PLPP3: variants seen among roughly 807,000 people sequenced by gnomAD.
The protein encoded by PLPP3 is phospholipid phosphatase 3, also known as PAP2 beta.
A neutral mutation model predicts 29.6 loss-of-function variants in PLPP3; 6 were observed. The observed-to-expected ratio is 0.20, with a 90% confidence interval of 0.11 to 0.40. The LOEUF is 0.40. PLPP3 is among the 10% of genes least tolerant of loss of function. The probability of loss-of-function intolerance (pLI) is 1.00; values close to 1 mark genes in which losing one functional copy is unlikely to be tolerated. For synonymous variants in PLPP3, 152 were observed against 159.7 expected, an observed-to-expected ratio of 0.95 and a Z score of 0.36; for missense variants, 308 against 407.7, an observed-to-expected ratio of 0.76 and a Z score of 2.11.
rs1388200179 is a variant in PLPP3, at chr1:56,524,178, T to G, written c.575+99A>C. The G allele has an allele frequency of 3.5e-6, 5 of 1,414,020 alleles. No homozygotes were observed. The highest frequency in any genetic ancestry group is 3.9e-6 in the Non-Finnish European group (4 of 1,028,646). 87.6% of individuals were successfully genotyped at this position (1,414,020 alleles called of 1,614,324 possible). On this transcript the variant is annotated intron_variant, in intron 3 of 5. Transcript: ENST00000371250. This position sits in a 1 kb window ranked among gnomAD's most constrained non-coding sequence, Gnocchi z 4.3. Reference sequence around the variant, plus strand: ...TTCCTCAAGAATAGGAACTATGCCTTATTCACCCATCTAAACCAGGGCCCA... The same window carrying G: ...TTCCTCAAGAATAGGAACTATGCCTGATTCACCCATCTAAACCAGGGCCCA...
At chr1:56,522,235 T>A (rs1230290880) in intron 4 of PLPP3, among the ~76,000 whole-genome samples, 1 of 152,190 alleles carries the variant, frequency 6.6e-6, no homozygotes, top group Non-Finnish European at 1.5e-5. Context: ...ATATGGTGCC[T>A]GGCACACAGA....
At chr1:56,525,442 G>A (rs1477353491) in intron 2 of PLPP3, among the ~76,000 whole-genome samples, 1 of 152,088 alleles carries the variant, frequency 6.6e-6, no homozygotes, top group African/African-American at 2.4e-5. Context: ...TATCACTACT[G>A]AAAATAATCC....
intron 1 of PLPP3, among the ~76,000 whole-genome samples, chr1:56,544,602 G>A (rs1645993143): frequency 6.6e-6 from 1 of 152,202 alleles, no homozygotes; most frequent in African/African-American, 2.4e-5. Flanking sequence ...AAAAGACCAA[G>A]GGTCAGAGAG....
At chr1:56,538,683 CAAA>C in intron 1 of PLPP3, 1 of 259,248 alleles carries the variant, frequency 3.9e-6, no homozygotes, top group Non-Finnish European at 7.5e-6. Flanking sequence ...CTGTTGTAAA[CAAA>C]AAAGTTAAGG....
chr1:56,507,147 A>G lies in PLPP3; in HGVS notation c.810+4829T>C, dbSNP rs990990383. Among the ~76,000 whole-genome samples the G allele has an allele frequency of 2.0e-5, 3 of 152,204 alleles. No homozygotes were observed. In the South Asian group the frequency reaches 6.2e-4, roughly 32 times the overall value. ...CCTGTTGTGACAGGATCTACCCTCA[A>G]CAGACCCAGGTAAAAGTTCTCGGCT... is the stretch of plus-strand genomic sequence containing the variant. On this transcript the variant is annotated intron_variant, in intron 5 of 5. Transcript: ENST00000371250.
chr1:56,562,405 A>G (rs1359095204), intron 1 of PLPP3, among the ~76,000 whole-genome samples: 1 of 152,230 alleles, frequency 6.6e-6, no homozygotes, highest in African/African-American at 2.4e-5. Flanking sequence ...CAACCTAGAA[A>G]TAAAATCTGT....
At chr1:56,570,164 T>C (rs942205637) in intron 1 of PLPP3, among the ~76,000 whole-genome samples, 17 of 152,164 alleles carry the variant, frequency 1.1e-4, no homozygotes, top group African/African-American at 4.1e-4. Context: ...GGTACAAACA[T>C]AGGCTTAATA....
At chr1:56,533,415 T>C (rs919178583) in intron 2 of PLPP3, among the ~76,000 whole-genome samples, 9 of 152,150 alleles carry the variant, frequency 5.9e-5, no homozygotes, top group African/African-American at 2.2e-4. Context: ...GGTTCACTAC[T>C]GTGTGGTGAA....
intron 1 of PLPP3, among the ~76,000 whole-genome samples, chr1:56,541,769 C>T (rs527344995): frequency 6.6e-6 from 1 of 152,138 alleles, no homozygotes; most frequent in African/African-American, 2.4e-5. Context: ...TGAAGCTCAG[C>T]AAATCTCATG....
chr1:56,507,055 A>AT (rs976818548), intron 5 of PLPP3, among the ~76,000 whole-genome samples: 12 of 152,174 alleles, frequency 7.9e-5, no homozygotes, highest in African/African-American at 2.7e-4. Flanking sequence ...AAAGCATTCA[A>AT]TTAGTAAGCA....
rs1278247332 is a variant in PLPP3, at chr1:56,524,531, C to A, written c.321G>T (p.Arg107=). 1 of 1,610,684 alleles carries A rather than the reference C, an allele frequency of 6.2e-7. No homozygotes were observed. ...ACCGCGACTTCTTCAGGTAATAGATCCGGTAGAATTCCCCCGTGATGATCT... is the reference window on the plus strand; with the variant it reads ...ACCGCGACTTCTTCAGGTAATAGATACGGTAGAATTCCCCCGTGATGATCT... ...ILAIITGEFY[R]IYYLKKSRST... The change falls in exon 3 of 6, where the codon CGG becomes CGT. Residue 107 remains arginine, a synonymous_variant. Transcript: ENST00000371250. This position sits in a 1 kb window ranked among gnomAD's most constrained non-coding sequence, Gnocchi z 4.3.
chr1:56,525,429 AT>A (rs1178787216), intron 2 of PLPP3, among the ~76,000 whole-genome samples: 1 of 152,106 alleles, frequency 6.6e-6, no homozygotes, highest in Non-Finnish European at 1.5e-5. Context: ...CTTAGAGGAG[AT>A]TTATCACTAC....
intron 1 of PLPP3, among the ~76,000 whole-genome samples, chr1:56,544,693 C>G (rs559944556): frequency 1.3e-5 from 2 of 152,346 alleles, no homozygotes; most frequent in East Asian, 3.9e-4. Flanking sequence ...CTCTAGAATT[C>G]ATTCAGAGAT....
At chr1:56,576,531 T>C (rs1026787510) in intron 1 of PLPP3, among the ~76,000 whole-genome samples, 27 of 152,206 alleles carry the variant, frequency 1.8e-4, no homozygotes, top group Admixed American at 1.7e-3. Flanking sequence ...ATTAGTGATA[T>C]TGTAATTGGC....
intron 1 of PLPP3, among the ~76,000 whole-genome samples, chr1:56,559,580 G>A (rs1367063454): frequency 7.0e-6 from 1 of 142,332 alleles, no homozygotes; most frequent in Non-Finnish European, 1.5e-5. Flanking sequence ...TTTACACTAA[G>A]AATATATTAC....
chr1:56,534,913 A>T (rs1312906278), intron 2 of PLPP3, among the ~76,000 whole-genome samples: 1 of 152,102 alleles, frequency 6.6e-6, no homozygotes, highest in East Asian at 1.9e-4. Flanking sequence ...GAATCAAGAG[A>T]CCTGGGTTCT....
intron 2 of PLPP3, among the ~76,000 whole-genome samples, chr1:56,527,014 A>G (rs997166913): frequency 1.3e-5 from 2 of 152,190 alleles, no homozygotes; most frequent in Non-Finnish European, 2.9e-5. Context: ...GAGAAAGAAC[A>G]TGTGAGTTTC....
intron 1 of PLPP3, among the ~76,000 whole-genome samples, chr1:56,550,047 C>T (rs1646027972): frequency 6.6e-6 from 1 of 152,076 alleles, no homozygotes; most frequent in Non-Finnish European, 1.5e-5. Flanking sequence ...GAAAGGGACG[C>T]TGGGTCCGGC....
chr1:56,521,437 T>A (rs1645818974), intron 4 of PLPP3, among the ~76,000 whole-genome samples: 1 of 152,026 alleles, frequency 6.6e-6, no homozygotes, highest in Non-Finnish European at 1.5e-5. Context: ...TGTATATATA[T>A]GTTGTATATG....
Sources: gnomAD v4.1 joint callset for allele counts (sites outside exome capture counted in the v4.1 genomes callset) on GRCh38, gnomAD v4.1.1 for gene constraint, Gnocchi (gnomAD v3.1) non-coding constraint, MANE v1.5 for transcripts, NCBI Gene and HGNC (gene_info 2026-07-23, HGNC 2026-07-21) for gene names.